The following CCDC88C variants were observed in gnomAD, a reference collection of about 807,000 sequenced individuals.
CCDC88C encodes protein Daple.
In CCDC88C, 131 loss-of-function variants were observed where a neutral mutation model predicts 198.8. That is an observed-to-expected ratio of 0.66 (90% CI 0.57 to 0.76). CCDC88C has a LOEUF of 0.76. Among genes scored for constraint, CCDC88C ranks in the 30% least tolerant of loss-of-function variants. The pLI, the probability that CCDC88C is intolerant of heterozygous loss-of-function variation, is 0.00. For synonymous variants in CCDC88C, 1,166 were observed against 1,114.7 expected (o/e 1.05, Z -0.92); for missense variants, 2,553 against 2,631.6 (o/e 0.97, Z 0.65).
At chr14:91,341,558 C>T (rs1893310501) in intron 6 of CCDC88C, among the ~76,000 whole-genome samples, 1 of 152,240 alleles carries the variant, frequency 6.6e-6, no homozygotes, top group Non-Finnish European at 1.5e-5. Flanking sequence ...CAATCACACA[C>T]CAGCTCCTGT....
At chr14:91,300,570 C>T (rs749532971) in intron 20 of CCDC88C, among the ~76,000 whole-genome samples, 1 of 152,198 alleles carries the variant, frequency 6.6e-6, no homozygotes, top group Non-Finnish European at 1.5e-5. Flanking sequence ...TCCACTTGTT[C>T]TTAGTCTGGC....
Position 91,308,331 on chromosome 14 carries a change from A to G in CCDC88C, c.3006+20T>C, listed in dbSNP as rs776669031. On this transcript the variant is annotated intron_variant, in intron 17 of 29. Coordinates refer to ENST00000389857, the MANE Select transcript of CCDC88C (RefSeq NM_001080414.4). ...CTGAGAATGGGCAGCTGGGCCCCACAGTGCAACCTCCACACTCACCATCTG... is the reference window on the plus strand; with the variant it reads ...CTGAGAATGGGCAGCTGGGCCCCACGGTGCAACCTCCACACTCACCATCTG... 5.0e-6 allele frequency: 8 copies of G among 1,613,016 alleles called. No homozygotes were observed. The highest frequency in any genetic ancestry group is 3.3e-5 in the Admixed American group (2 of 59,996).
chr14:91,272,429 T>G lies in CCDC88C; in HGVS notation c.*196A>C, dbSNP rs1282115324. 8.5e-6 allele frequency: 5 copies of G among 588,454 alleles called. No homozygotes were observed. The highest frequency in any genetic ancestry group is 1.5e-5 in the Non-Finnish European group (5 of 341,732). The allele number at this position is 588,454 out of a possible 1,614,324, so 36.5% of individuals were successfully genotyped here. On this transcript the variant is annotated 3_prime_UTR_variant, in exon 30 of 30. Transcript: ENST00000389857. ...GGAAGCGGCAGACACAGAAAACACG[T>G]TACACACCTGGAAGCGTAATCCTCT...
At chr14:91,312,305 T>C (rs1192882192) in intron 15 of CCDC88C, among the ~76,000 whole-genome samples, 1 of 152,112 alleles carries the variant, frequency 6.6e-6, no homozygotes, top group Admixed American at 6.5e-5. Flanking sequence ...GGAGAATCGC[T>C]TGAACCCAGG....
At chr14:91,395,343 C>T (rs1054349909) in intron 3 of CCDC88C, among the ~76,000 whole-genome samples, 4 of 152,120 alleles carry the variant, frequency 2.6e-5, no homozygotes, top group Non-Finnish European at 5.9e-5. Context: ...ATTAAAGAAA[C>T]GTCTTGTGAT....
At position 91,395,195 on chromosome 14, in the gene CCDC88C, A is replaced by T. The variant is rs1311817658; in HGVS notation, c.270+13464T>A. ...GGCTCTTGGTTGTTTTTCCATTTCT[A>T]TTTGGATTTGTGTCTCCTGCCTCCC... is the stretch of plus-strand genomic sequence containing the variant. On this transcript the variant is annotated intron_variant, in intron 3 of 29. Coordinates refer to ENST00000389857, the MANE Select transcript of CCDC88C (RefSeq NM_001080414.4). 4.6e-5 allele frequency among the ~76,000 whole-genome samples: 7 copies of T among 151,980 alleles called. No homozygotes were observed. In the East Asian group the frequency reaches 1.4e-3, roughly 29 times the overall value.
At chr14:91,346,041 C>A (rs968350186) in intron 4 of CCDC88C, among the ~76,000 whole-genome samples, 1 of 152,190 alleles carries the variant, frequency 6.6e-6, no homozygotes, top group Non-Finnish European at 1.5e-5. Flanking sequence ...AACTCACACA[C>A]TGGGCTACAG....
chr14:91,294,889 C>T (rs1160078603), intron 22 of CCDC88C, among the ~76,000 whole-genome samples: 7 of 152,196 alleles, frequency 4.6e-5, no homozygotes, highest in African/African-American at 1.4e-4. Flanking sequence ...AACTCCTGAC[C>T]TCAGGTGATC....
At chr14:91,415,089 T>C (rs1886977517) in intron 2 of CCDC88C, among the ~76,000 whole-genome samples, 1 of 152,166 alleles carries the variant, frequency 6.6e-6, no homozygotes, top group African/African-American at 2.4e-5. Flanking sequence ...GGGATACTGC[T>C]GGTTTTTTTA....
Position 91,338,388 on chromosome 14 carries a change from C to T in CCDC88C, c.891+101G>A, listed in dbSNP as rs1285786. ...CTCAGGACAAGTGGCTCTTGTGTGG[C>T]TTAAAAGCGCTGCTGTTGAGCTCCT... is the stretch of plus-strand genomic sequence containing the variant. On this transcript the variant is annotated intron_variant, in intron 9 of 29. Coordinates refer to ENST00000389857, the MANE Select transcript of CCDC88C (RefSeq NM_001080414.4). This position sits in a 1 kb window ranked among gnomAD's most constrained non-coding sequence, Gnocchi z 4.8. 0.011 allele frequency: 11,981 copies of T among 1,123,102 alleles called. 102 individuals carry two copies. Among genetic ancestry groups the T allele is most frequent in the Middle Eastern group, 0.03 (113 of 3,796 alleles). 69.6% of individuals were successfully genotyped at this position (1,123,102 alleles called of 1,614,324 possible).
intron 23 of CCDC88C, among the ~76,000 whole-genome samples, chr14:91,293,162 C>T (rs72699685): frequency 0.023 from 104 of 4,582 alleles, no homozygotes; most frequent in Admixed American, 0.029. Context: ...CTGCCATAGC[C>T]CACCTTCCCA....
chr14:91,401,743 T>G (rs1249586858), intron 3 of CCDC88C, among the ~76,000 whole-genome samples: 2 of 152,186 alleles, frequency 1.3e-5, no homozygotes, highest in Non-Finnish European at 2.9e-5. Context: ...AAGTCAAAAG[T>G]GGAGAAACTA....
chr14:91,391,983 T>C (rs960630900), intron 3 of CCDC88C, among the ~76,000 whole-genome samples: 1 of 152,074 alleles, frequency 6.6e-6, no homozygotes, highest in East Asian at 1.9e-4. Context: ...CCAGCTACTT[T>C]CTAAACTCTT....
chr14:91,387,356 C>T lies in CCDC88C; in HGVS notation c.270+21303G>A, dbSNP rs75486651. Among the ~76,000 whole-genome samples the T allele has an allele frequency of 4.8e-3, 738 of 152,258 alleles. 8 individuals are homozygous for T. The highest frequency in any genetic ancestry group is 0.017 in the African/African-American group (702 of 41,528). On this transcript the variant is annotated intron_variant, in intron 3 of 29. Coordinates refer to ENST00000389857, the MANE Select transcript of CCDC88C (RefSeq NM_001080414.4). Reference sequence around the variant, plus strand: ...CAACGTCCGGGCCATGGAGGTTTGGCGAATTGGCTCAGATGACGGTTACAC... The same window carrying T: ...CAACGTCCGGGCCATGGAGGTTTGGTGAATTGGCTCAGATGACGGTTACAC...
chr14:91,334,390 C>T (rs1892961018), intron 10 of CCDC88C, among the ~76,000 whole-genome samples: 1 of 152,172 alleles, frequency 6.6e-6, no homozygotes, highest in South Asian at 2.1e-4. Flanking sequence ...ACCACAGCTG[C>T]CTGCCACCAG....
intron 29 of CCDC88C, among the ~76,000 whole-genome samples, chr14:91,274,317 C>T (rs1889868484): frequency 6.6e-6 from 1 of 152,236 alleles, no homozygotes; most frequent in Non-Finnish European, 1.5e-5. Flanking sequence ...AGCCGCCACA[C>T]TGTCCCTGCT....
chr14:91,404,123 G>C (rs138626336), intron 3 of CCDC88C, among the ~76,000 whole-genome samples: 2 of 152,138 alleles, frequency 1.3e-5, no homozygotes, highest in South Asian at 2.1e-4. Context: ...CCTAAAGCCG[G>C]TGTCCCCACA....
intron 3 of CCDC88C, among the ~76,000 whole-genome samples, chr14:91,359,975 A>G (rs969987545): frequency 1.3e-5 from 2 of 152,348 alleles, no homozygotes; most frequent in Non-Finnish European, 2.9e-5. Context: ...AAGAAAAAGC[A>G]TATTTAAAAA....
intron 12 of CCDC88C, among the ~76,000 whole-genome samples, chr14:91,322,406 C>G (rs1029825180): frequency 2.0e-5 from 3 of 152,194 alleles, no homozygotes; most frequent in African/African-American, 7.2e-5. Context: ...CCCAAACCAA[C>G]AGCAGGCGAG....
Sources: allele counts gnomAD v4.1 joint callset (sites outside exome capture counted in the v4.1 genomes callset), GRCh38; gene constraint gnomAD v4.1.1; non-coding constraint Gnocchi (gnomAD v3.1); transcripts MANE v1.5; gene names NCBI Gene and HGNC (gene_info 2026-07-23, HGNC 2026-07-21).